THADA: variants seen among roughly 807,000 people sequenced by gnomAD.
THADA encodes tRNA (32-2'-O)-methyltransferase regulator THADA.
THADA carries 213 observed loss-of-function variants against 219.8 expected under a neutral mutation model. The observed-to-expected ratio is 0.97, with a 90% CI of 0.87 to 1.09. THADA has a LOEUF of 1.09. Ranked by LOEUF, THADA falls within the 50% of genes least tolerant of loss-of-function variation. THADA has a pLI of 0.00. For synonymous variants in THADA, 1,018 were observed against 828.9 expected (o/e 1.23, Z -3.92); for missense variants, 2,956 against 2,311.3 (o/e 1.28, Z -5.72).
In THADA at chr2:43,579,503, A is replaced by G. The variant is rs1290787765; in HGVS notation, c.722-896T>C. Among the ~76,000 whole-genome samples, 3 of 152,322 alleles carry G rather than the reference A, an allele frequency of 2.0e-5. No homozygotes were observed. The East Asian group carries it at 5.8e-4, about 29-fold the overall frequency. On this transcript the variant is annotated intron_variant, in intron 8 of 37. Coordinates refer to ENST00000405975, the MANE Select transcript of THADA (RefSeq NM_022065.5). ...GGGAAAGAAGTAACACTTCTTTATG[A>G]CATCATAAACTACGTACTAAATATC...
rs553232277 is a variant in THADA at position 43,470,937 on chromosome 2, T to A, written c.3836+14297A>T. On this transcript the variant is annotated intron_variant, in intron 26 of 37. Transcript: ENST00000405975. ...TTTGAATATAAGGAAACAGAGCTCATCTATGGGATGGGTAGTGATAATGGG... is the reference window on the plus strand; with the variant it reads ...TTTGAATATAAGGAAACAGAGCTCAACTATGGGATGGGTAGTGATAATGGG... Among the ~76,000 whole-genome samples, 4 of 152,280 alleles carry A rather than the reference T, an allele frequency of 2.6e-5. No homozygotes were observed. In the South Asian group the frequency reaches 8.3e-4, roughly 32 times the overall value.
chr2:43,320,889 C>T (rs1678629070), intron 30 of THADA, among the ~76,000 whole-genome samples: 1 of 152,000 alleles, frequency 6.6e-6, no homozygotes, highest in African/African-American at 2.4e-5. Context: ...CTCTATTATT[C>T]TACATTTTTA....
intron 26 of THADA, among the ~76,000 whole-genome samples, chr2:43,442,990 G>T (rs1177058267): frequency 2.0e-5 from 3 of 152,156 alleles, no homozygotes; most frequent in African/African-American, 7.2e-5. Context: ...CACATTCCCT[G>T]ATATCTCAAG....
At chr2:43,528,510 T>C (rs1693465520) in intron 21 of THADA, among the ~76,000 whole-genome samples, 1 of 152,106 alleles carries the variant, frequency 6.6e-6, no homozygotes, top group South Asian at 2.1e-4. Context: ...TTATCTCTAC[T>C]TCACAATTGG....
At chr2:43,401,939 GTTTT>G (rs527363037) in intron 28 of THADA, among the ~76,000 whole-genome samples, 1 of 139,522 alleles carries the variant, frequency 7.2e-6, no homozygotes, top group Non-Finnish European at 1.6e-5. Flanking sequence ...GTTTTTTGTT[GTTTT>G]TTTTTTTAAA....
chr2:43,489,395 C>T (rs753551271), intron 25 of THADA, among the ~76,000 whole-genome samples: 3 of 152,014 alleles, frequency 2.0e-5, no homozygotes, highest in Non-Finnish European at 2.9e-5. Context: ...TTTTCATTCC[C>T]AGTCTAATTT....
At chr2:43,308,437 G>A (rs546394742) in intron 31 of THADA, among the ~76,000 whole-genome samples, 2 of 152,200 alleles carry the variant, frequency 1.3e-5, no homozygotes, top group East Asian at 3.9e-4. Context: ...GGGCACGGTG[G>A]CTCACGTCTG....
chr2:43,342,264 A>G (rs755074076), intron 30 of THADA, among the ~76,000 whole-genome samples: 1 of 152,176 alleles, frequency 6.6e-6, no homozygotes, highest in Non-Finnish European at 1.5e-5. Context: ...GCTCCCAATA[A>G]CTTTACCGGC....
intron 30 of THADA, among the ~76,000 whole-genome samples, chr2:43,334,653 T>C (rs1287055012): frequency 6.6e-6 from 1 of 151,936 alleles, no homozygotes; most frequent in African/African-American, 2.4e-5. Flanking sequence ...CGGGCGCCTG[T>C]AGTCCCAGCT....
intron 30 of THADA, among the ~76,000 whole-genome samples, chr2:43,335,688 G>C (rs1249906776): frequency 6.6e-6 from 1 of 151,956 alleles, no homozygotes; most frequent in African/African-American, 2.4e-5. Context: ...GCTGAGTGTG[G>C]TGGCTCATGT....
In THADA at chr2:43,561,318, T is replaced by G. The variant is rs74791279; in HGVS notation, c.2312-933A>C. Among the ~76,000 whole-genome samples, 766 of 152,228 alleles carry G rather than the reference T, an allele frequency of 5.0e-3. 4 individuals are homozygous for G. Among genetic ancestry groups the G allele is most frequent in the African/African-American group, 0.017 (714 of 41,544 alleles). On this transcript the variant is annotated intron_variant, in intron 15 of 37. Transcript: ENST00000405975. ...AACTCTTATTCAAGTGTAAGAACAA[T>G]AGAAACATTTTATAATATGCAAGAA...
At chr2:43,544,526 T>C (rs1695761786) in intron 20 of THADA, among the ~76,000 whole-genome samples, 1 of 152,224 alleles carries the variant, frequency 6.6e-6, no homozygotes, top group Non-Finnish European at 1.5e-5. Context: ...GTTCTTCCAT[T>C]TCCTTGTATC....
At chr2:43,434,317 C>T (rs569263896) in intron 26 of THADA, among the ~76,000 whole-genome samples, 17 of 152,284 alleles carry the variant, frequency 1.1e-4, no homozygotes, top group Non-Finnish European at 2.4e-4. Context: ...GAGAAGAGGG[C>T]AGGGAAGTGC....
chr2:43,418,635 CTA>C lies in THADA; in HGVS notation c.4058+9463_4058+9464del, dbSNP rs533875054. Among the ~76,000 whole-genome samples the C allele has an allele frequency of 4.2e-3, 645 of 152,200 alleles. 5 individuals carry two copies. Among genetic ancestry groups the C allele is most frequent in the African/African-American group, 0.015 (611 of 41,500 alleles). On this transcript the variant is annotated intron_variant, in intron 28 of 37. Coordinates refer to ENST00000405975, the MANE Select transcript of THADA (RefSeq NM_022065.5). ...CCAATAGAAAGTTGAACTTGTGATT[CTA>C]TATGAGTTCTAGATCTAGGACCAGG... is the stretch of plus-strand genomic sequence containing the variant.
intron 21 of THADA, among the ~76,000 whole-genome samples, chr2:43,538,991 C>T (rs921716647): frequency 1.3e-5 from 2 of 152,312 alleles, no homozygotes; most frequent in South Asian, 2.1e-4. Context: ...CTGTCATCTA[C>T]ATTCAAGTCA....
At chr2:43,489,906 T>C (rs1687420886) in intron 25 of THADA, among the ~76,000 whole-genome samples, 1 of 118,280 alleles carries the variant, frequency 8.5e-6, no homozygotes, top group South Asian at 2.5e-4. Flanking sequence ...CTAGAAGGGA[T>C]TTAACAGAGG....
chr2:43,404,286 G>C (rs1324370304), intron 28 of THADA, among the ~76,000 whole-genome samples: 1 of 151,998 alleles, frequency 6.6e-6, no homozygotes, highest in Admixed American at 6.6e-5. Context: ...TTGAATTCCT[G>C]GGCTCCAGTG....
intron 26 of THADA, among the ~76,000 whole-genome samples, chr2:43,478,349 T>G (rs1429699398): frequency 6.6e-6 from 1 of 152,170 alleles, no homozygotes; most frequent in Non-Finnish European, 1.5e-5. Flanking sequence ...CCCTCTGGCT[T>G]TAACCTCTTA....
intron 30 of THADA, among the ~76,000 whole-genome samples, chr2:43,331,417 G>C (rs1665757956): frequency 6.6e-6 from 1 of 152,256 alleles, no homozygotes; most frequent in Non-Finnish European, 1.5e-5. Flanking sequence ...AGGTTGGAAA[G>C]ATGTAAAGCA....
Sources: allele counts gnomAD v4.1 joint callset (sites outside exome capture counted in the v4.1 genomes callset), GRCh38; gene constraint gnomAD v4.1.1; transcripts MANE v1.5; gene names NCBI Gene and HGNC (gene_info 2026-07-23, HGNC 2026-07-21).